MAN2A2: variants seen among roughly 807,000 people sequenced by gnomAD.
MAN2A2 encodes alpha-mannosidase 2x.
Under a neutral mutation model 126.8 loss-of-function variants are expected in MAN2A2, and 79 were observed. The ratio of observed to expected loss-of-function variants is 0.62; its 90% CI spans 0.52 to 0.75. The LOEUF (loss-of-function observed/expected upper bound fraction) is 0.75, where lower values mean the gene tolerates loss of function less well. Among genes scored for constraint, MAN2A2 ranks in the 30% least tolerant of loss-of-function variants. The pLI, the probability that MAN2A2 is intolerant of heterozygous loss-of-function variation, is 0.00. For missense variants in MAN2A2, 1,392 were observed against 1,522.4 expected (o/e 0.91, Z 1.43); for synonymous variants, 671 against 618.7 (o/e 1.08, Z -1.25).
rs142951895 is a variant in MAN2A2 at position 90,912,183 on chromosome 15, G to A, written c.2250G>A (p.Ala750=). 280 of 1,614,142 alleles carry A rather than the reference G, an allele frequency of 1.7e-4. No individual in the cohort carries two copies. Among genetic ancestry groups the A allele is most frequent in the East Asian group, 1.1e-3 (49 of 44,884 alleles). ...GRQLSVSRHE[A]FPLRVIDSGT... ...AGCTGTCCGTCAGCAGGCACGAAGC[G>A]TTTCCTCTCCGTGTCATTGACTCTG... is the stretch of plus-strand genomic sequence containing the variant. The change falls in exon 15 of 23, where the codon GCG becomes GCA. Residue 750 remains alanine, a synonymous_variant. Coordinates refer to ENST00000559717, the MANE Select transcript of MAN2A2 (RefSeq NM_006122.4).
chr15:90,915,028 A>G (rs1443967044), intron 19 of MAN2A2, among the ~76,000 whole-genome samples: 1 of 152,196 alleles, frequency 6.6e-6, no homozygotes, highest in African/African-American at 2.4e-5. Context: ...AGTCAAGGCT[A>G]GGCGTGGCCC....
Position 90,906,939 on chromosome 15 carries a change from T to C in MAN2A2, c.1009+26T>C, listed in dbSNP as rs376997563. 7 of 1,611,464 alleles carry C rather than the reference T, an allele frequency of 4.3e-6. No homozygotes were observed. In the South Asian group the frequency reaches 5.5e-5, roughly 13 times the overall value. Reference sequence around the variant, plus strand: ...GTAAGGCCGGGTAGGGTAGAGGGGGTTACTGCAGCATAGTCTTCACTGGGG... The same window carrying C: ...GTAAGGCCGGGTAGGGTAGAGGGGGCTACTGCAGCATAGTCTTCACTGGGG... On this transcript the variant is annotated intron_variant, in intron 7 of 22. Coordinates refer to ENST00000559717, the MANE Select transcript of MAN2A2 (RefSeq NM_006122.4).
chr15:90,916,844 G>A (rs1272566698), intron 20 of MAN2A2, among the ~76,000 whole-genome samples: 2 of 152,238 alleles, frequency 1.3e-5, no homozygotes, highest in African/African-American at 4.8e-5. Flanking sequence ...GTTTACTCGT[G>A]AGTAGGGGTG....
chr15:90,911,999 G>A, intron 14 of MAN2A2, 44 bp from the exon 15 acceptor site: 2 of 1,537,444 alleles, frequency 1.3e-6, no homozygotes. Context: ...CACCCCTGTG[G>A]CGAAAGCCGT....
chr15:90,906,784 A>G lies in MAN2A2; in HGVS notation c.880A>G (p.Ser294Gly). ...SGWAVDPFGYSSTMPYLLRRA... is the reference protein window; with the variant it reads ...SGWAVDPFGYGSTMPYLLRRA... Reference sequence around the variant, plus strand: ...CTGGGCAGTGGACCCCTTTGGATACAGCTCCACCATGCCTTACCTGCTGCG... The same window carrying G: ...CTGGGCAGTGGACCCCTTTGGATACGGCTCCACCATGCCTTACCTGCTGCG... Residue 294 changes from serine to glycine, a missense_variant, in exon 7 of 23, where the codon AGC (serine) becomes GGC (glycine). Physicochemically the swap from Ser to Gly is moderately conservative, Grantham distance 56. Transcript: ENST00000559717. The G allele has an allele frequency of 1.2e-6, 2 of 1,613,748 alleles. No individual in the cohort carries two copies. The highest frequency in any genetic ancestry group is 1.7e-6 in the Non-Finnish European group (2 of 1,179,972).
chr15:90,913,937 AT>A (rs2034977341), intron 19 of MAN2A2, among the ~76,000 whole-genome samples, 182 bp downstream of exon 19: 1 of 152,152 alleles, frequency 6.6e-6, no homozygotes, highest in South Asian at 2.1e-4. Flanking sequence ...TGCTGTCCCC[AT>A]CCCCTGGTGG....
rs765892976 is a variant in MAN2A2, at chr15:90,910,115, A to T, written c.1400A>T (p.Tyr467Phe). 1.2e-6 allele frequency: 2 copies of T among 1,613,152 alleles called. No homozygotes were observed. Among genetic ancestry groups the T allele is most frequent in the African/African-American group, 2.7e-5 (2 of 74,814 alleles). Residue 467 changes from tyrosine to phenylalanine, a missense_variant, in exon 10 of 23, where the codon TAT becomes TTT. Transcript: ENST00000559717. ...VQAQFGTLSD[Y>F]FDALYKRTGV... ...GCCCAGTTTGGCACTCTTTCTGACT[A>T]TTTTGATGCCCTGTACAAGAGGACA...
chr15:90,912,288 C>T lies in MAN2A2; in HGVS notation c.2346+9C>T. Reference sequence around the variant, plus strand: ...TTACTGGGCTCCTCAAGGTAAAAGGCCAGGGTGGTGGGGAAGGGCCAGGGG... The same window carrying T: ...TTACTGGGCTCCTCAAGGTAAAAGGTCAGGGTGGTGGGGAAGGGCCAGGGG... On this transcript the variant is annotated intron_variant, in intron 15 of 22. Transcript: ENST00000559717. 3 of 1,613,696 alleles carry T rather than the reference C, an allele frequency of 1.9e-6. No individual in the cohort carries two copies. Among genetic ancestry groups the T allele is most frequent in the Non-Finnish European group, 2.5e-6 (3 of 1,179,610 alleles).
chr15:90,908,872 G>A (rs1367751239), intron 8 of MAN2A2, among the ~76,000 whole-genome samples: 6 of 152,014 alleles, frequency 3.9e-5, no homozygotes, highest in Non-Finnish European at 7.4e-5. Context: ...CACTGCGCTC[G>A]GCCCATTCAA....
At position 90,922,203 on chromosome 15, in the gene MAN2A2, A is replaced by G. The variant is rs2035574204; in HGVS notation, c.*2416A>G. On this transcript the variant is annotated 3_prime_UTR_variant, in exon 23 of 23. Transcript: ENST00000559717. ...GCACATAAAAAAATCAACGAGTACA[A>G]TTACTTTAGGAGAAAAGCTTGCTTC... 1 of 152,228 alleles carries G rather than the reference A, an allele frequency of 6.6e-6. No homozygotes were observed. The highest frequency in any genetic ancestry group is 1.5e-5 in the Non-Finnish European group (1 of 68,036). The allele number at this position is 152,228 out of a possible 1,614,324, so 9.4% of individuals were successfully genotyped here.
At position 90,912,129 on chromosome 15, in the gene MAN2A2, C is replaced by T; in HGVS notation, c.2196C>T (p.Ser732=). The change falls in exon 15 of 23, where the codon TCC becomes TCT. Residue 732 remains serine, a synonymous_variant. Coordinates refer to ENST00000559717, the MANE Select transcript of MAN2A2 (RefSeq NM_006122.4). The part of the protein sequence containing the change: ...LGLDGHRTLP[S]SVRIYLHGRQ... Reference sequence around the variant, plus strand: ...TGGATGGGCACCGCACGCTGCCCTCCTCTGTGCGCATCTACCTGCACGGCC... The same window carrying T: ...TGGATGGGCACCGCACGCTGCCCTCTTCTGTGCGCATCTACCTGCACGGCC... The T allele has an allele frequency of 6.2e-7, 1 of 1,613,858 alleles. No homozygotes were observed. The highest frequency in any genetic ancestry group is 8.5e-7 in the Non-Finnish European group (1 of 1,179,962).
chr15:90,913,582 G>T (rs1356733167), intron 18 of MAN2A2, 32 bp from the exon 19 acceptor site: 3 of 1,595,772 alleles, frequency 1.9e-6, no homozygotes, highest in Admixed American at 3.5e-5. Context: ...TGGTGCCCGG[G>T]TGCCCTTGAT....
intron 7 of MAN2A2, 154 bp from the exon 8 acceptor site, chr15:90,907,155 A>T (rs2034361722): frequency 1.2e-6 from 1 of 863,940 alleles, no homozygotes; most frequent in Middle Eastern, 2.9e-4. Flanking sequence ...GGAGCCCCTC[A>T]TGTCTTTCTC....
At chr15:90,918,958 T>C (rs2035396987) in intron 22 of MAN2A2, among the ~76,000 whole-genome samples, 1 of 152,192 alleles carries the variant, frequency 6.6e-6, no homozygotes, top group Non-Finnish European at 1.5e-5. Flanking sequence ...TTGAGAACTT[T>C]TGTTCCCTGA....
intron 19 of MAN2A2, among the ~76,000 whole-genome samples, chr15:90,915,115 CATCT>C (rs2035069103): frequency 6.6e-6 from 1 of 152,240 alleles, no homozygotes; most frequent in Non-Finnish European, 1.5e-5. Context: ...GCCCCTGGTC[CATCT>C]GTGTCATGAC....
In MAN2A2 at chr15:90,913,677, A is replaced by G. The variant is rs1244112067; in HGVS notation, c.2782A>G (p.Met928Val). 6.2e-7 allele frequency: 1 copy of G among 1,611,400 alleles called. No individual in the cohort carries two copies. Among genetic ancestry groups the G allele is most frequent in the Admixed American group, 1.7e-5 (1 of 59,720 alleles). ...GGCCAACTTCTACCCCATGCCAGTC[A>G]TGGCCTATATCCAGGACGCACAGAA... ...LQANFYPMPV[M>V]AYIQDAQKRL... The change falls in exon 19 of 23, where the codon ATG (methionine) becomes GTG (valine). Residue 928 changes from methionine (M) to valine (V), a missense_variant. Physicochemically the swap from Met to Val is conservative, Grantham distance 21. Coordinates refer to ENST00000559717, the MANE Select transcript of MAN2A2 (RefSeq NM_006122.4).
chr15:90,909,604 C>CT, intron 9 of MAN2A2, 100 bp downstream of exon 9: 6 of 1,202,896 alleles, frequency 5.0e-6, no homozygotes, highest in South Asian at 3.3e-5. Context: ...AGGGTGCCCC[C>CT]CTTTTTTTTT....
intron 1 of MAN2A2, chr15:90,903,772 G>C (rs950565325): frequency 8.4e-5 from 25 of 295,924 alleles, no homozygotes; most frequent in Non-Finnish European, 2.0e-5. Flanking sequence ...ACTGAGAAAG[G>C]CTTTCCTATC....
chr15:90,907,830 A>G (rs2034421493), intron 8 of MAN2A2, among the ~76,000 whole-genome samples: 1 of 152,202 alleles, frequency 6.6e-6, no homozygotes, highest in Admixed American at 6.5e-5. Flanking sequence ...CTTGGCTTTA[A>G]GTCAACCACG....
Sources: allele counts gnomAD v4.1 joint callset (sites outside exome capture counted in the v4.1 genomes callset), GRCh38; gene constraint gnomAD v4.1.1; transcripts MANE v1.5; gene names NCBI Gene and HGNC (gene_info 2026-07-23, HGNC 2026-07-21).